The following KCNJ16 variants were observed in gnomAD, a reference collection of about 807,000 sequenced individuals.
The protein encoded by KCNJ16 is potassium inwardly rectifying channel subfamily J member 16.
In KCNJ16, 15 loss-of-function variants were observed where a neutral mutation model predicts 18.5. The observed-to-expected ratio is 0.81, with a 90% CI of 0.54 to 1.25. The LOEUF (loss-of-function observed/expected upper bound fraction) is 1.25, where lower values mean the gene tolerates loss of function less well. KCNJ16 is among the 50% of genes most tolerant of loss of function. The pLI, the probability that KCNJ16 is intolerant of heterozygous loss-of-function variation, is 0.00. For synonymous variants in KCNJ16, 174 were observed against 186.5 expected (o/e 0.93, Z 0.55); for missense variants, 523 against 525.7 (o/e 0.99, Z 0.05).
chr17:70,089,203 G>GT (rs1193067934), intron 1 of KCNJ16, among the ~76,000 whole-genome samples: 2 of 152,014 alleles, frequency 1.3e-5, no homozygotes, highest in African/African-American at 4.8e-5. Flanking sequence ...TAGTTGTTAC[G>GT]TATCAACTCT....
intron 2 of KCNJ16, among the ~76,000 whole-genome samples, chr17:70,102,665 T>A (rs771072445): frequency 1.3e-5 from 2 of 152,306 alleles, no homozygotes; most frequent in East Asian, 3.9e-4. Context: ...TAACCCCACT[T>A]GGACCTCCAC....
At chr17:70,088,844 G>A (rs186663360) in intron 1 of KCNJ16, among the ~76,000 whole-genome samples, 5 of 152,120 alleles carry the variant, frequency 3.3e-5, no homozygotes, top group East Asian at 3.9e-4. Flanking sequence ...CCTAGTGGCC[G>A]ATTTTAGTCC....
chr17:70,089,197 T>C (rs1013522130), intron 1 of KCNJ16, among the ~76,000 whole-genome samples: 2 of 152,142 alleles, frequency 1.3e-5, no homozygotes, highest in African/African-American at 4.8e-5. Context: ...ATACAGTAGT[T>C]GTTACGTATC....
At chr17:70,080,588 T>A (rs964112539) in intron 1 of KCNJ16, among the ~76,000 whole-genome samples, 3 of 152,004 alleles carry the variant, frequency 2.0e-5, no homozygotes, top group African/African-American at 7.2e-5. Context: ...TAAGGTTTAT[T>A]TTTTTTAATG....
rs1404504041 is a variant in KCNJ16 at position 70,133,225 on chromosome 17, G to A, written c.1138G>A (p.Val380Ile). The change falls in exon 4 of 4, where the codon GTC (valine) becomes ATC (isoleucine). Residue 380 changes from valine (V) to isoleucine (I), a missense_variant. Transcript: ENST00000392671. ...AAGGTCATTTAGTGCAGTTGCCATTGTCAGCAGCTGTGAAAACCCTGAGGA... is the reference window on the plus strand; with the variant it reads ...AAGGTCATTTAGTGCAGTTGCCATTATCAGCAGCTGTGAAAACCCTGAGGA... ...RRRSFSAVAI[V>I]SSCENPEETT... 1.9e-6 allele frequency: 3 copies of A among 1,614,062 alleles called. No individual in the cohort carries two copies. Among genetic ancestry groups the A allele is most frequent in the Non-Finnish European group, 1.7e-6 (2 of 1,180,050 alleles).
Position 70,132,482 on chromosome 17 carries a change from T to C in KCNJ16, c.395T>C (p.Ile132Thr). Residue 132 changes from isoleucine (I) to threonine (T), a missense_variant, in exon 4 of 4, where the codon ATA becomes ACA. Physicochemically the swap from Ile to Thr is moderately conservative, Grantham distance 89. Transcript: ENST00000392671. Reference sequence around the variant, plus strand: ...TTCTCCCTAGAGACCCAAACCACCATAGGATATGGTTATCGCTGTGTTACT... The same window carrying C: ...TTCTCCCTAGAGACCCAAACCACCACAGGATATGGTTATCGCTGTGTTACT... ...FLFSLETQTTIGYGYRCVTEE... is the reference protein window; with the variant it reads ...FLFSLETQTTTGYGYRCVTEE... 2 of 1,614,158 alleles carry C rather than the reference T, an allele frequency of 1.2e-6. No individual in the cohort carries two copies. The highest frequency in any genetic ancestry group is 1.7e-6 in the Non-Finnish European group (2 of 1,180,034).
chr17:70,101,871 T>C (rs945634685), intron 2 of KCNJ16: 5 of 152,244 alleles, frequency 3.3e-5, no homozygotes, highest in Non-Finnish European at 7.3e-5. Context: ...TACAATTAAA[T>C]TGTGGATTTT....
chr17:70,121,917 C>G (rs1053470554), intron 2 of KCNJ16, among the ~76,000 whole-genome samples: 8 of 152,092 alleles, frequency 5.3e-5, no homozygotes, highest in African/African-American at 1.9e-4. Flanking sequence ...CAAAATTATG[C>G]CACTGCACTC....
At position 70,132,077 on chromosome 17, in the gene KCNJ16, C is replaced by G; in HGVS notation, c.-11C>G. ...CAAAACTCACCTGGATCCCTAAGGG[C>G]ACAGCAAAGAATGAGCTATTACGGC... On this transcript the variant is annotated 5_prime_UTR_variant, in exon 4 of 4. Transcript: ENST00000392671. 2 of 1,614,024 alleles carry G rather than the reference C, an allele frequency of 1.2e-6. No homozygotes were observed. The highest frequency in any genetic ancestry group is 8.5e-7 in the Non-Finnish European group (1 of 1,180,006).
intron 2 of KCNJ16, among the ~76,000 whole-genome samples, chr17:70,119,489 C>A (rs1480427605): frequency 6.6e-6 from 1 of 152,204 alleles, no homozygotes; most frequent in Non-Finnish European, 1.5e-5. Flanking sequence ...TCCCATACAG[C>A]CTCTGAAATC....
intron 2 of KCNJ16, among the ~76,000 whole-genome samples, chr17:70,103,296 GTATATA>G (rs1173280296): frequency 5.6e-5 from 4 of 72,054 alleles, no homozygotes; most frequent in African/African-American, 8.9e-5. Flanking sequence ...ATGTGTGTGT[GTATATA>G]TATATATATA....
At chr17:70,102,035 A>C (rs1007305271) in intron 2 of KCNJ16, 1 of 152,138 alleles carries the variant, frequency 6.6e-6, no homozygotes, top group African/African-American at 2.4e-5. Flanking sequence ...AAGATGGAAA[A>C]GAGTTGATTG....
chr17:70,124,604 C>T (rs919865152), intron 2 of KCNJ16, among the ~76,000 whole-genome samples: 4 of 152,270 alleles, frequency 2.6e-5, no homozygotes, highest in African/African-American at 9.6e-5. Flanking sequence ...AACCCAGATC[C>T]AGCTCAAGGT....
At chr17:70,081,565 A>G (rs1371609941) in intron 1 of KCNJ16, among the ~76,000 whole-genome samples, 2 of 152,194 alleles carry the variant, frequency 1.3e-5, no homozygotes, top group East Asian at 1.9e-4. Context: ...TTTATGCATT[A>G]TATTTCTATA....
At chr17:70,105,858 A>G (rs1443985766) in intron 2 of KCNJ16, among the ~76,000 whole-genome samples, 1 of 152,196 alleles carries the variant, frequency 6.6e-6, no homozygotes, top group African/African-American at 2.4e-5. Flanking sequence ...ATCCATGTGA[A>G]AATTCTAAGA....
chr17:70,098,959 T>C (rs959909498), intron 1 of KCNJ16, among the ~76,000 whole-genome samples: 1 of 152,180 alleles, frequency 6.6e-6, no homozygotes, highest in African/African-American at 2.4e-5. Context: ...GAGCTAACTG[T>C]TTACACCTCT....
chr17:70,121,142 T>C (rs916801800), intron 2 of KCNJ16, among the ~76,000 whole-genome samples: 7 of 152,124 alleles, frequency 4.6e-5, no homozygotes, highest in African/African-American at 1.7e-4. Flanking sequence ...AACTGGAGGA[T>C]GGCAGGGGTA....
rs2074141816 is a variant in KCNJ16, at chr17:70,133,592, T to G, written c.*248T>G. 1 of 369,352 alleles carries G rather than the reference T, an allele frequency of 2.7e-6. No homozygotes were observed. The highest frequency in any genetic ancestry group is 2.1e-5 in the African/African-American group (1 of 48,156). The allele number at this position is 369,352 out of a possible 1,614,324, so 22.9% of individuals were successfully genotyped here. A position where few individuals can be genotyped will look rare whatever the true frequency, so the allele number is the denominator to read the frequency against. On this transcript the variant is annotated 3_prime_UTR_variant, in exon 4 of 4. Coordinates refer to ENST00000392671, the MANE Select transcript of KCNJ16 (RefSeq NM_170741.4). ...CCTAATTGATTAAAATTTATCTTTT[T>G]TATTATCTTACATGCTTGTATCTTC... is the stretch of plus-strand genomic sequence containing the variant.
chr17:70,107,050 G>A (rs999751581), intron 2 of KCNJ16, among the ~76,000 whole-genome samples: 2 of 152,098 alleles, frequency 1.3e-5, no homozygotes, highest in African/African-American at 4.8e-5. Flanking sequence ...TATTTTGCTT[G>A]AGAGCTTAGG....
Sources: gnomAD v4.1 joint callset for allele counts (sites outside exome capture counted in the v4.1 genomes callset) on GRCh38, gnomAD v4.1.1 for gene constraint, MANE v1.5 for transcripts, NCBI Gene and HGNC (gene_info 2026-07-23, HGNC 2026-07-21) for gene names.